OSBPL11: variants seen among roughly 807,000 people sequenced by gnomAD.
OSBPL11 encodes oxysterol-binding protein-related protein 11.
Under a neutral mutation model 84.4 loss-of-function variants are expected in OSBPL11, and 33 were observed. The observed-to-expected ratio is 0.39, with a 90% confidence interval of 0.30 to 0.52. OSBPL11 has a LOEUF of 0.52. Among genes scored for constraint, OSBPL11 ranks in the 20% least tolerant of loss-of-function variants. The probability of loss-of-function intolerance (pLI) is 0.72; values close to 1 mark genes in which losing one functional copy is unlikely to be tolerated. For missense variants in OSBPL11, 736 were observed against 901.1 expected (o/e 0.82, Z 2.35); for synonymous variants, 276 against 310.2 (o/e 0.89, Z 1.16).
chr3:125,589,695 T>C (rs1218727498), intron 1 of OSBPL11, among the ~76,000 whole-genome samples: 1 of 151,950 alleles, frequency 6.6e-6, no homozygotes, highest in East Asian at 1.9e-4. Context: ...TCTAAGACCA[T>C]GAACATTCAT....
At chr3:125,543,460 A>G (rs1363205439) in intron 10 of OSBPL11, among the ~76,000 whole-genome samples, 2 of 152,138 alleles carry the variant, frequency 1.3e-5, no homozygotes, top group Non-Finnish European at 2.9e-5. Context: ...AATATTTATT[A>G]AAACACGTAT....
chr3:125,536,777 G>C (rs1044611047), intron 11 of OSBPL11, among the ~76,000 whole-genome samples: 6 of 152,102 alleles, frequency 3.9e-5, no homozygotes, highest in Non-Finnish European at 8.8e-5. Context: ...TTTTACAAGT[G>C]CTCTTCCTCC....
chr3:125,547,604 A>C lies in OSBPL11; in HGVS notation c.1655-12T>G, dbSNP rs1303961348. On this transcript the variant is annotated splice_polypyrimidine_tract_variant and intron_variant, in intron 9 of 12. Transcript: ENST00000296220. ...CAGACTAAGGATACCTGAATGTGAA[A>C]ACATGAGGGTGGTTAACATCTTTTT... 1.9e-6 allele frequency: 3 copies of C among 1,573,680 alleles called. No homozygotes were observed. The highest frequency in any genetic ancestry group is 2.6e-6 in the Non-Finnish European group (3 of 1,156,988).
chr3:125,543,718 T>C (rs1188751706), intron 10 of OSBPL11, among the ~76,000 whole-genome samples: 1 of 151,964 alleles, frequency 6.6e-6, no homozygotes, highest in Non-Finnish European at 1.5e-5. Flanking sequence ...CTGGCCAACA[T>C]GGCGAAACCC....
chr3:125,578,178 T>C (rs1936360182), intron 4 of OSBPL11, among the ~76,000 whole-genome samples: 2 of 152,166 alleles, frequency 1.3e-5, no homozygotes, highest in South Asian at 4.1e-4. Context: ...AATAAAATAT[T>C]ACTCAGTCTT....
At chr3:125,585,125 T>C (rs183378838) in intron 1 of OSBPL11, among the ~76,000 whole-genome samples, 1 of 152,088 alleles carries the variant, frequency 6.6e-6, no homozygotes, top group African/African-American at 2.4e-5. Flanking sequence ...ATCCCACGTG[T>C]ATCTCTTTTT....
At chr3:125,537,364 G>A (rs1034552764) in intron 11 of OSBPL11, among the ~76,000 whole-genome samples, 2 of 152,010 alleles carry the variant, frequency 1.3e-5, no homozygotes, top group Non-Finnish European at 2.9e-5. Context: ...CATTCCTTTT[G>A]CACCATCATA....
intron 11 of OSBPL11, among the ~76,000 whole-genome samples, chr3:125,535,437 A>ATT (rs767488826): frequency 1.6e-5 from 2 of 126,876 alleles, no homozygotes; most frequent in Admixed American, 8.4e-5. Flanking sequence ...ATTCAGAAGC[A>ATT]TCTTTTTTTT....
intron 11 of OSBPL11, 45 bp from the exon 12 acceptor site, chr3:125,532,059 G>A: frequency 6.4e-7 from 1 of 1,552,528 alleles, no homozygotes. Flanking sequence ...CTTTAAAAGA[G>A]ATAATTAAAT....
chr3:125,558,179 T>C (rs1936020497), intron 8 of OSBPL11, among the ~76,000 whole-genome samples: 1 of 152,214 alleles, frequency 6.6e-6, no homozygotes, highest in Admixed American at 6.5e-5. Context: ...ACTTCTACCA[T>C]GTGGATTACT....
intron 5 of OSBPL11, among the ~76,000 whole-genome samples, chr3:125,575,618 C>A (rs1379939398): frequency 6.6e-6 from 1 of 151,988 alleles, no homozygotes; most frequent in African/African-American, 2.4e-5. Context: ...CAACCTCAAA[C>A]TCCCAGGCTT....
chr3:125,584,640 T>TA (rs763875426), intron 1 of OSBPL11, among the ~76,000 whole-genome samples: 4 of 152,246 alleles, frequency 2.6e-5, no homozygotes, highest in Non-Finnish European at 4.4e-5. Context: ...ACAACTGAGT[T>TA]ACAGTTCAAT....
intron 11 of OSBPL11, among the ~76,000 whole-genome samples, chr3:125,532,577 C>CAAAAAAAAAAAAAAAA (rs371653670): frequency 3.7e-5 from 2 of 53,974 alleles, no homozygotes. Flanking sequence ...AAATCTCAAG[C>CAAAAAAAAAAAAAAAA]AAAAAAAAAA....
chr3:125,543,286 C>T (rs1237199095), intron 10 of OSBPL11, among the ~76,000 whole-genome samples: 3 of 148,252 alleles, frequency 2.0e-5, no homozygotes, highest in Admixed American at 2.0e-4. Context: ...TGCGTGCCAC[C>T]ATGCCCAGCT....
At chr3:125,582,092 T>TAA (rs1163918877) in intron 2 of OSBPL11, among the ~76,000 whole-genome samples, 27 of 152,104 alleles carry the variant, frequency 1.8e-4, no homozygotes, top group Non-Finnish European at 2.9e-5. Flanking sequence ...CCCTGCACTT[T>TAA]GGGAGGCCAA....
In OSBPL11 at chr3:125,563,812, T is replaced by G; in HGVS notation, c.900A>C (p.Ile300=). ...CATTTTTATAGTGGTTTGATAAAGA[T>G]ATCTTTGGTTCTAACCACTCGATTG... ...GTTIEWLEPK[I]SLSNHYKNGA... Residue 300 remains isoleucine (I), a synonymous_variant, in exon 7 of 13, where the codon ATA becomes ATC. Coordinates refer to ENST00000296220, the MANE Select transcript of OSBPL11 (RefSeq NM_022776.5). 1 of 1,614,206 alleles carries G rather than the reference T, an allele frequency of 6.2e-7. No homozygotes were observed. Among genetic ancestry groups the G allele is most frequent in the South Asian group, 1.1e-5 (1 of 91,090 alleles).
chr3:125,552,334 T>TCA lies in OSBPL11; in HGVS notation c.1500_1501insTG (p.Thr501Ter). 6.2e-7 allele frequency: 1 copy of TCA among 1,614,060 alleles called. No homozygotes were observed. Among genetic ancestry groups the TCA allele is most frequent in the Non-Finnish European group, 8.5e-7 (1 of 1,180,012 alleles). On this transcript the variant is annotated frameshift_variant, in exon 9 of 13. Coordinates refer to ENST00000296220, the MANE Select transcript of OSBPL11 (RefSeq NM_022776.5). LOFTEE classifies it high-confidence loss of function. ...ACCTGCTCAGCAACAAATCTGACTGTGTAACAGTCTGATCCCACCTGGGTC... is the reference window on the plus strand; with the variant it reads ...ACCTGCTCAGCAACAAATCTGACTGTCAGTAACAGTCTGATCCCACCTGGGTC...
chr3:125,547,599 G>T lies in OSBPL11; in HGVS notation c.1655-7C>A. On this transcript the variant is annotated splice_region_variant and splice_polypyrimidine_tract_variant and intron_variant, in intron 9 of 12. Coordinates refer to ENST00000296220, the MANE Select transcript of OSBPL11 (RefSeq NM_022776.5). Reference sequence around the variant, plus strand: ...TCCAACAGACTAAGGATACCTGAATGTGAAAACATGAGGGTGGTTAACATC... The same window carrying T: ...TCCAACAGACTAAGGATACCTGAATTTGAAAACATGAGGGTGGTTAACATC... 6.3e-7 allele frequency: 1 copy of T among 1,578,464 alleles called. No individual in the cohort carries two copies. Among genetic ancestry groups the T allele is most frequent in the Non-Finnish European group, 8.6e-7 (1 of 1,160,704 alleles).
chr3:125,578,795 G>T (rs1399272512), intron 4 of OSBPL11, among the ~76,000 whole-genome samples, 165 bp downstream of exon 4: 11 of 151,892 alleles, frequency 7.2e-5, no homozygotes, highest in Non-Finnish European at 1.2e-4. Flanking sequence ...AGTTACAATG[G>T]TTGAACCACC....
Sources: allele counts gnomAD v4.1 joint callset (sites outside exome capture counted in the v4.1 genomes callset), GRCh38; gene constraint gnomAD v4.1.1; transcripts MANE v1.5; gene names NCBI Gene and HGNC (gene_info 2026-07-23, HGNC 2026-07-21).